The following COX10 variants were observed in gnomAD, a reference collection of about 807,000 sequenced individuals.
COX10 encodes protoheme IX farnesyltransferase, mitochondrial.
Under a neutral mutation model 37.3 loss-of-function variants are expected in COX10, and 27 were observed. That is an observed-to-expected ratio of 0.72 (90% CI 0.53 to 1.00). The LOEUF is 1.00. Ranked by LOEUF, COX10 falls within the 50% of genes least tolerant of loss-of-function variation. The pLI is 0.00. For synonymous variants in COX10, 222 were observed against 229.1 expected, an observed-to-expected ratio of 0.97 and a Z score of 0.28; for missense variants, 475 against 563.2, an observed-to-expected ratio of 0.84 and a Z score of 1.59.
intron 3 of COX10, among the ~76,000 whole-genome samples, chr17:14,082,339 C>T (rs8075967): frequency 1.3e-5 from 2 of 152,054 alleles, no homozygotes; most frequent in Non-Finnish European, 2.9e-5. Flanking sequence ...AAGCCTGGCT[C>T]GTGAGAGTCA....
chr17:14,135,912 T>A (rs575531180), intron 4 of COX10, among the ~76,000 whole-genome samples: 1 of 152,106 alleles, frequency 6.6e-6, no homozygotes, highest in South Asian at 2.1e-4. Flanking sequence ...TGTCAATAGT[T>A]GTGTTTCATC....
At chr17:14,158,209 T>G (rs1905086972) in intron 4 of COX10, among the ~76,000 whole-genome samples, 1 of 151,864 alleles carries the variant, frequency 6.6e-6, no homozygotes, top group South Asian at 2.1e-4. Flanking sequence ...AAAATGTCAT[T>G]GTGTTTAGGA....
At chr17:14,176,517 C>G (rs1414080757) in intron 5 of COX10, among the ~76,000 whole-genome samples, 1 of 152,202 alleles carries the variant, frequency 6.6e-6, no homozygotes, top group Non-Finnish European at 1.5e-5. Context: ...TTTGAATGCC[C>G]AGCCATCTAA....
intron 6 of COX10, among the ~76,000 whole-genome samples, chr17:14,194,633 G>T (rs1262496291): frequency 6.6e-6 from 1 of 152,078 alleles, no homozygotes; most frequent in Non-Finnish European, 1.5e-5. Context: ...CACCATATTG[G>T]CCAGGATGGT....
chr17:14,094,051 C>A (rs1291463312), intron 3 of COX10, among the ~76,000 whole-genome samples: 1 of 151,982 alleles, frequency 6.6e-6, no homozygotes, highest in Non-Finnish European at 1.5e-5. Flanking sequence ...AGAGCAAAAC[C>A]CTGCCTCTGA....
chr17:14,195,045 T>C (rs1906327255), intron 6 of COX10, among the ~76,000 whole-genome samples: 1 of 152,222 alleles, frequency 6.6e-6, no homozygotes, highest in Non-Finnish European at 1.5e-5. Context: ...CAACATGACT[T>C]ACTGCCCCCA....
intron 4 of COX10, among the ~76,000 whole-genome samples, chr17:14,107,312 C>G (rs1005344679): frequency 3.9e-5 from 6 of 151,940 alleles, no homozygotes; most frequent in African/African-American, 1.5e-4. Context: ...TGTTTAATTA[C>G]TCGTGGATAG....
intron 6 of COX10, among the ~76,000 whole-genome samples, chr17:14,206,073 T>C (rs988350565): frequency 6.6e-6 from 1 of 152,172 alleles, no homozygotes; most frequent in Non-Finnish European, 1.5e-5. Flanking sequence ...CTTGTGCCAT[T>C]GTGCCAGGCT....
chr17:14,187,679 T>G (rs1210296562), intron 5 of COX10, among the ~76,000 whole-genome samples: 1 of 152,204 alleles, frequency 6.6e-6, no homozygotes, highest in Non-Finnish European at 1.5e-5. Flanking sequence ...AAATGAAACA[T>G]AACAGGAAAA....
At chr17:14,163,548 G>A (rs1905215183) in intron 5 of COX10, among the ~76,000 whole-genome samples, 1 of 152,082 alleles carries the variant, frequency 6.6e-6, no homozygotes, top group African/African-American at 2.4e-5. Context: ...GAGCCACTGC[G>A]CCTGGCTGCA....
At chr17:14,178,281 A>G (rs1162718459) in intron 5 of COX10, among the ~76,000 whole-genome samples, 1 of 97,452 alleles carries the variant, frequency 1.0e-5, no homozygotes, top group East Asian at 3.1e-4. Flanking sequence ...TCTCAGGAGG[A>G]TAAAACCAAG....
At chr17:14,102,316 A>G (rs1915802594) in intron 4 of COX10, 74 bp downstream of exon 4, 1 of 1,557,918 alleles carries the variant, frequency 6.4e-7, no homozygotes, top group Non-Finnish European at 8.7e-7. Context: ...ATATTTTTAA[A>G]TACCTTCCAA....
At chr17:14,121,487 A>G (rs3785684) in intron 4 of COX10, among the ~76,000 whole-genome samples, 76,119 of 151,960 alleles carry the variant, frequency 0.5, 19,243 homozygotes, top group Admixed American at 0.53. Context: ...TGATGGCTGT[A>G]TACCACGATG....
intron 5 of COX10, among the ~76,000 whole-genome samples, chr17:14,191,127 A>G (rs1404249514): frequency 6.6e-6 from 1 of 152,068 alleles, no homozygotes; most frequent in East Asian, 1.9e-4. Flanking sequence ...ACATGCATAT[A>G]AGCAGGAACT....
At chr17:14,106,375 C>T (rs937345357) in intron 4 of COX10, among the ~76,000 whole-genome samples, 2 of 152,130 alleles carry the variant, frequency 1.3e-5, no homozygotes, top group African/African-American at 4.8e-5. Context: ...TAATCAGTTT[C>T]TCCTTATTCG....
chr17:14,104,511 G>A (rs1156486850), intron 4 of COX10, among the ~76,000 whole-genome samples: 2 of 152,040 alleles, frequency 1.3e-5, no homozygotes, highest in Non-Finnish European at 2.9e-5. Context: ...TTTTTTTAGA[G>A]GGCTAGTGTT....
intron 3 of COX10, among the ~76,000 whole-genome samples, chr17:14,100,993 A>T (rs1157203036): frequency 6.6e-6 from 1 of 152,130 alleles, no homozygotes; most frequent in African/African-American, 2.4e-5. Flanking sequence ...CCTCCCCTGC[A>T]ATCAAAAGTG....
intron 1 of COX10, among the ~76,000 whole-genome samples, chr17:14,072,581 C>T (rs1359544780): frequency 1.3e-5 from 2 of 152,136 alleles, no homozygotes; most frequent in Admixed American, 1.3e-4. Context: ...TCTCGAACTC[C>T]TAACCTCAGG....
chr17:14,155,797 T>C (rs1416852522), intron 4 of COX10, among the ~76,000 whole-genome samples: 1 of 151,946 alleles, frequency 6.6e-6, no homozygotes, highest in Admixed American at 6.6e-5. Context: ...GTAAGGCTCA[T>C]TGTGTTGGGG....
Sources: allele counts gnomAD v4.1 joint callset (sites outside exome capture counted in the v4.1 genomes callset), GRCh38; gene constraint gnomAD v4.1.1; transcripts MANE v1.5; gene names NCBI Gene and HGNC (gene_info 2026-07-23, HGNC 2026-07-21).